The following ERICH1 variants were observed in gnomAD, a reference collection of about 807,000 sequenced individuals.
ERICH1 encodes the protein glutamate rich 1.
A neutral mutation model predicts 39.6 loss-of-function variants in ERICH1; 56 were observed. The observed-to-expected ratio is 1.41, with a 90% CI of 1.14 to 1.77. The LOEUF is 1.77. Among genes scored for constraint, ERICH1 ranks in the 40% most tolerant of loss-of-function variants. ERICH1 has a pLI of 0.00. For missense variants in ERICH1, 826 were observed against 575.4 expected (o/e 1.44, Z -4.45); for synonymous variants, 313 against 223.6 (o/e 1.40, Z -3.57).
At chr8:687,388 G>A (rs1204226190) in intron 3 of ERICH1, among the ~76,000 whole-genome samples, 1 of 152,232 alleles carries the variant, frequency 6.6e-6, no homozygotes, top group Non-Finnish European at 1.5e-5. Context: ...CCAGGATAAG[G>A]CTCCTCGGGG....
intron 3 of ERICH1, among the ~76,000 whole-genome samples, chr8:676,639 C>T (rs1038032353): frequency 2.0e-5 from 3 of 152,202 alleles, no homozygotes; most frequent in Admixed American, 6.5e-5. Flanking sequence ...CAAGAACAGA[C>T]GGCACATGGC....
chr8:725,403 C>T (rs1322639314), intron 1 of ERICH1: 1 of 153,096 alleles, frequency 6.5e-6, no homozygotes, highest in Non-Finnish European at 1.5e-5. Context: ...GATGAGCCAC[C>T]TGAGCATTAG....
At chr8:632,587 T>A (rs559653327) in intron 3 of ERICH1, among the ~76,000 whole-genome samples, 1 of 152,162 alleles carries the variant, frequency 6.6e-6, no homozygotes, top group Admixed American at 6.5e-5. Context: ...TTAAGGAATT[T>A]ACAAAATAAT....
intron 1 of ERICH1, among the ~76,000 whole-genome samples, chr8:723,302 G>A (rs955138775): frequency 6.6e-6 from 1 of 152,116 alleles, no homozygotes; most frequent in Non-Finnish European, 1.5e-5. Context: ...AAATAACCCG[G>A]CCTCCGACAT....
intron 3 of ERICH1, among the ~76,000 whole-genome samples, chr8:688,144 C>T (rs762166664): frequency 2.0e-5 from 3 of 152,136 alleles, no homozygotes; most frequent in African/African-American, 7.2e-5. Context: ...GCAACCCAGG[C>T]GGGGCAAGTG....
intron 3 of ERICH1, chr8:625,944 T>G (rs1326910663): frequency 6.6e-6 from 1 of 152,224 alleles, no homozygotes; most frequent in Non-Finnish European, 1.5e-5. Flanking sequence ...GCCGTAAAAT[T>G]GTTTAAAGAA....
At chr8:691,228 G>T (rs943591052) in intron 3 of ERICH1, 3 of 152,322 alleles carry the variant, frequency 2.0e-5, no homozygotes, top group Non-Finnish European at 2.9e-5. Context: ...CAGGAAAGGA[G>T]TGACTCCTCA....
At chr8:670,501 C>T (rs896210971) in intron 4 of ERICH1, among the ~76,000 whole-genome samples, 12 of 152,188 alleles carry the variant, frequency 7.9e-5, no homozygotes, top group Admixed American at 3.3e-4. Context: ...TCCCCTGGAC[C>T]GTGCAGGGAC....
intron 3 of ERICH1, among the ~76,000 whole-genome samples, chr8:651,660 G>A (rs887982020): frequency 2.6e-5 from 4 of 151,320 alleles, no homozygotes; most frequent in Non-Finnish European, 5.9e-5. Context: ...GGCAGAGAGC[G>A]AGGGAGACGG....
chr8:690,029 C>T (rs904518781), intron 3 of ERICH1, among the ~76,000 whole-genome samples: 2 of 152,222 alleles, frequency 1.3e-5, no homozygotes, highest in African/African-American at 2.4e-5. Flanking sequence ...GTGGGTTGTT[C>T]TGTCACTAAC....
At chr8:677,650 G>A (rs1165022577) in intron 3 of ERICH1, among the ~76,000 whole-genome samples, 2 of 152,150 alleles carry the variant, frequency 1.3e-5, no homozygotes, top group South Asian at 2.1e-4. Context: ...AACCAACCAC[G>A]TCTAGGCAAT....
chr8:652,130 G>C (rs1800038433), intron 3 of ERICH1, among the ~76,000 whole-genome samples: 1 of 152,170 alleles, frequency 6.6e-6, no homozygotes, highest in Non-Finnish European at 1.5e-5. Context: ...ACAAGCGATT[G>C]CCCTGGTGCT....
At chr8:626,035 C>G (rs1209550299) in intron 3 of ERICH1, 1 of 152,238 alleles carries the variant, frequency 6.6e-6, no homozygotes, top group Non-Finnish European at 1.5e-5. Context: ...CTTCACACTT[C>G]ACAGCTTTCT....
intron 3 of ERICH1, among the ~76,000 whole-genome samples, chr8:631,768 G>A (rs1798053324): frequency 6.6e-6 from 1 of 152,216 alleles, no homozygotes; most frequent in South Asian, 2.1e-4. Context: ...TCAGCTTCCC[G>A]AGAACTGCCA....
rs577765718 is a variant in ERICH1 at position 641,867 on chromosome 8, C to T, written c.977-26583G>A. Among the ~76,000 whole-genome samples the T allele has an allele frequency of 1.4e-4, 21 of 152,388 alleles. No homozygotes were observed. In the South Asian group the frequency reaches 4.1e-3, roughly 30 times the overall value. ...TGCTGGCCAAAACCCCACGGTGCCT[C>T]TGGCCGTATGCAGTCCTTTCTTCTG... is the stretch of plus-strand genomic sequence containing the variant. On this transcript the variant is annotated intron_variant, in intron 3 of 3. Coordinates refer to the ERICH1 transcript ENST00000522706.
At chr8:729,191 C>T (rs1490131209) in intron 1 of ERICH1, among the ~76,000 whole-genome samples, 1 of 152,224 alleles carries the variant, frequency 6.6e-6, no homozygotes, top group African/African-American at 2.4e-5. Flanking sequence ...CGCCAACATC[C>T]GGCGGTGAAT....
intron 4 of ERICH1, among the ~76,000 whole-genome samples, chr8:672,981 G>T (rs1241270716): frequency 6.6e-6 from 1 of 152,238 alleles, no homozygotes; most frequent in Non-Finnish European, 1.5e-5. Context: ...GACCTTAGAG[G>T]CATGGAGGAC....
rs1799446416 is a variant in ERICH1 at position 645,645 on chromosome 8, C to A, written c.976+22953G>T. Among the ~76,000 whole-genome samples the A allele has an allele frequency of 2.9e-5, 2 of 67,968 alleles. 1 individual carries two copies. The highest frequency in any genetic ancestry group is 1.1e-3 in the South Asian group (2 of 1,780). 44.6% of individuals were successfully genotyped at this position (67,968 alleles called of 152,430 possible). On this transcript the variant is annotated intron_variant, in intron 3 of 3. Coordinates refer to the ERICH1 transcript ENST00000522706. ...GGCCTCCGTGGTATCAGGGAGGCGACCGTGGAGGCTTGGGAGTTGGCAGAA... is the reference window on the plus strand; with the variant it reads ...GGCCTCCGTGGTATCAGGGAGGCGAACGTGGAGGCTTGGGAGTTGGCAGAA...
At chr8:671,881 T>C in intron 4 of ERICH1, 1 of 169,260 alleles carries the variant, frequency 5.9e-6, no homozygotes. Context: ...CTGCGACCTC[T>C]GAACCTGCCA....
Sources: allele counts gnomAD v4.1 joint callset (sites outside exome capture counted in the v4.1 genomes callset), GRCh38; gene constraint gnomAD v4.1.1; transcripts MANE v1.5; gene names NCBI Gene and HGNC (gene_info 2026-07-23, HGNC 2026-07-21).